The following SPATA31H1 variants were observed in gnomAD, a reference collection of about 807,000 sequenced individuals.
The protein encoded by SPATA31H1 is SPATA31 subfamily H member 1.
At chr2:27,546,707 G>T in the SPATA31H1 span, among the ~76,000 whole-genome samples, 1 of 151,814 alleles carries the variant, frequency 6.6e-6, no homozygotes, top group Non-Finnish European at 1.5e-5. Context: ...TAATTTTTGT[G>T]TTTTTTGTGG....
At chr2:27,580,216 T>C in the SPATA31H1 span, 36 of 1,614,130 alleles carry the variant, frequency 2.2e-5, no homozygotes, top group Non-Finnish European at 2.7e-5. Context: ...ACTTCCACAA[T>C]AGATTTGCAG....
At chr2:27,553,955 T>C in the SPATA31H1 span, among the ~76,000 whole-genome samples, 2 of 151,906 alleles carry the variant, frequency 1.3e-5, no homozygotes, top group Non-Finnish European at 2.9e-5. Flanking sequence ...ATTAGCTAAA[T>C]ATCCAGTTTC....
the SPATA31H1 span, chr2:27,572,201 T>C: frequency 4.0e-5 from 16 of 398,314 alleles, no homozygotes; most frequent in Non-Finnish European, 6.6e-5. Flanking sequence ...AGTTGCAAAG[T>C]ATGAAATCTC....
the SPATA31H1 span, chr2:27,577,657 T>C: frequency 6.2e-7 from 1 of 1,614,052 alleles, no homozygotes; most frequent in South Asian, 1.1e-5. This position sits in a 1 kb window ranked among gnomAD's most constrained non-coding sequence, Gnocchi z 4.5. Flanking sequence ...CCTGAATCTG[T>C]GGAGTTGACT....
chr2:27,551,949 G>A, the SPATA31H1 span, among the ~76,000 whole-genome samples: 3 of 151,836 alleles, frequency 2.0e-5, no homozygotes, highest in Admixed American at 2.0e-4. Context: ...CCGAGTAGCT[G>A]GGACTACAGG....
the SPATA31H1 span, among the ~76,000 whole-genome samples, chr2:27,541,634 G>T: frequency 6.6e-6 from 1 of 152,020 alleles, no homozygotes; most frequent in Non-Finnish European, 1.5e-5. Flanking sequence ...CACATGAAAA[G>T]TTGTGAATGT....
the SPATA31H1 span, chr2:27,565,232 T>G: frequency 4.3e-5 from 28 of 648,780 alleles, no homozygotes; most frequent in East Asian, 5.5e-5. Flanking sequence ...ATCTGATACA[T>G]GAGATGTATC....
chr2:27,548,126 C>G, the SPATA31H1 span, among the ~76,000 whole-genome samples: 1 of 151,472 alleles, frequency 6.6e-6, no homozygotes, highest in East Asian at 1.9e-4. Flanking sequence ...GGACTACAGG[C>G]GCCTGCCACT....
At chr2:27,541,066 A>G in the SPATA31H1 span, among the ~76,000 whole-genome samples, 10 of 143,234 alleles carry the variant, frequency 7.0e-5, no homozygotes, top group South Asian at 1.3e-3. Flanking sequence ...GTAGCGAGCC[A>G]AGATCACGCC....
At chr2:27,566,493 T>A in the SPATA31H1 span, 5 of 653,556 alleles carry the variant, frequency 7.7e-6, no homozygotes, top group East Asian at 1.4e-4. Flanking sequence ...AGAGTTTGTT[T>A]TGTCTGTGGG....
At chr2:27,571,743 C>T in the SPATA31H1 span, 2 of 398,286 alleles carry the variant, frequency 5.0e-6, no homozygotes, top group Admixed American at 4.4e-5. Context: ...TTTAAAGCTT[C>T]GAAGTTTAAA....
chr2:27,541,144 C>CG, the SPATA31H1 span, among the ~76,000 whole-genome samples: 2 of 150,094 alleles, frequency 1.3e-5, no homozygotes, highest in African/African-American at 2.5e-5. Context: ...CCCGGCACCT[C>CG]GGGAGGCCGA....
At chr2:27,566,080 C>A in the SPATA31H1 span, 1 of 717,552 alleles carries the variant, frequency 1.4e-6, no homozygotes. Context: ...ATGGCTTGCA[C>A]TGAAGCTAAC....
the SPATA31H1 span, among the ~76,000 whole-genome samples, chr2:27,544,476 T>A: frequency 6.6e-6 from 1 of 151,924 alleles, no homozygotes; most frequent in Admixed American, 6.6e-5. Context: ...TTCTTGTGTG[T>A]CTGACTTCTT....
At chr2:27,581,719 G>C in the SPATA31H1 span, 1 of 1,613,320 alleles carries the variant, frequency 6.2e-7, no homozygotes, top group Non-Finnish European at 8.5e-7. Context: ...CCCTCTAAGA[G>C]AAGCCATCGC....
At chr2:27,566,634 TCA>T in the SPATA31H1 span, 1 of 577,728 alleles carries the variant, frequency 1.7e-6, no homozygotes, top group Non-Finnish European at 3.1e-6. Flanking sequence ...TTTTTTTTTT[TCA>T]AATTCTCCTT....
At chr2:27,579,729 C>CAAGGATTTCTG in the SPATA31H1 span, 1 of 1,614,060 alleles carries the variant, frequency 6.2e-7, no homozygotes. Flanking sequence ...TGAGGACTCA[C>CAAGGATTTCTG]AGAGTGATTC....
the SPATA31H1 span, among the ~76,000 whole-genome samples, chr2:27,553,586 A>C: frequency 6.6e-6 from 1 of 152,128 alleles, no homozygotes; most frequent in Non-Finnish European, 1.5e-5. Context: ...ATTTTACCAC[A>C]AACAGGAGAA....
the SPATA31H1 span, chr2:27,566,392 A>C: frequency 3.3e-5 from 24 of 716,968 alleles, no homozygotes; most frequent in Middle Eastern, 2.3e-4. Context: ...AAGGTCAGGC[A>C]ATGTAGTTTC....
Sources: allele counts gnomAD v4.1 joint callset (sites outside exome capture counted in the v4.1 genomes callset), GRCh38; gene constraint gnomAD v4.1.1; non-coding constraint Gnocchi (gnomAD v3.1); transcripts MANE v1.5; gene names NCBI Gene and HGNC (gene_info 2026-07-23, HGNC 2026-07-21).